The following WWOX variants were observed in gnomAD, a reference collection of about 807,000 sequenced individuals.
The protein encoded by WWOX is WW domain-containing oxidoreductase.
Under a neutral mutation model 46.2 loss-of-function variants are expected in WWOX, and 69 were observed. That is an observed-to-expected ratio of 1.49 (90% CI 1.23 to 1.82). The LOEUF (loss-of-function observed/expected upper bound fraction) is 1.82. Among genes scored for constraint, WWOX ranks in the 40% most tolerant of loss-of-function variants. The pLI, the probability that WWOX is intolerant of heterozygous loss-of-function variation, is 0.00. For missense variants in WWOX, 919 were observed against 542.6 expected, an observed-to-expected ratio of 1.69 and a Z score of -6.89; for synonymous variants, 359 against 202.6, an observed-to-expected ratio of 1.77 and a Z score of -6.56.
intron 8 of WWOX, among the ~76,000 whole-genome samples, chr16:79,108,375 C>T (rs1199278085): frequency 6.6e-6 from 1 of 152,220 alleles, no homozygotes; most frequent in East Asian, 1.9e-4. Flanking sequence ...ACCACACATC[C>T]ATGCATTTTT....
At chr16:78,378,100 C>A (rs1263541805) in intron 5 of WWOX, among the ~76,000 whole-genome samples, 1 of 151,742 alleles carries the variant, frequency 6.6e-6, no homozygotes, top group African/African-American at 2.4e-5. Context: ...CTTCAAGAAT[C>A]CCCCTGCGTC....
intron 8 of WWOX, among the ~76,000 whole-genome samples, chr16:78,529,855 G>A (rs775048823): frequency 6.6e-6 from 1 of 152,202 alleles, no homozygotes; most frequent in African/African-American, 2.4e-5. Context: ...CTGTGACCCT[G>A]TAGAATGCAC....
chr16:78,747,630 C>T (rs1047221645), intron 8 of WWOX, among the ~76,000 whole-genome samples: 36 of 152,114 alleles, frequency 2.4e-4, no homozygotes, highest in Non-Finnish European at 1.5e-5. Flanking sequence ...CCCTGCCTCT[C>T]CTCACCCACT....
chr16:78,459,258 G>C (rs975381883), intron 8 of WWOX, among the ~76,000 whole-genome samples: 2 of 152,226 alleles, frequency 1.3e-5, no homozygotes, highest in African/African-American at 4.8e-5. Flanking sequence ...CACACTGAAA[G>C]AGAGTGGTGT....
chr16:78,653,725 A>G (rs935512766), intron 8 of WWOX, among the ~76,000 whole-genome samples: 40 of 152,316 alleles, frequency 2.6e-4, no homozygotes, highest in African/African-American at 9.4e-4. Flanking sequence ...CAGCTGTCCT[A>G]TGGGCCTCCT....
intron 6 of WWOX, among the ~76,000 whole-genome samples, chr16:78,395,498 C>T (rs1233063694): frequency 6.6e-6 from 1 of 151,788 alleles, no homozygotes; most frequent in Non-Finnish European, 1.5e-5. Flanking sequence ...GGCAACAGAG[C>T]CAGAACCTGT....
chr16:79,150,008 G>A (rs1311158592), intron 8 of WWOX, among the ~76,000 whole-genome samples: 1 of 152,134 alleles, frequency 6.6e-6, no homozygotes. Flanking sequence ...TGTTTTTTAT[G>A]GGAACCTAAG....
intron 6 of WWOX, among the ~76,000 whole-genome samples, chr16:78,412,284 G>A (rs997953236): frequency 6.6e-6 from 1 of 152,180 alleles, no homozygotes; most frequent in Admixed American, 6.5e-5. Context: ...TATCAGGACG[G>A]GGAGGAGATG....
chr16:78,958,151 C>T (rs1425794119), intron 8 of WWOX, among the ~76,000 whole-genome samples: 2 of 152,142 alleles, frequency 1.3e-5, no homozygotes, highest in East Asian at 1.9e-4. Flanking sequence ...ATCATTCACA[C>T]GGCGAAGGAA....
intron 4 of WWOX, among the ~76,000 whole-genome samples, chr16:78,119,707 C>A (rs1452931418): frequency 6.6e-6 from 1 of 151,382 alleles, no homozygotes; most frequent in Non-Finnish European, 1.5e-5. Context: ...TTCAAGTGAT[C>A]CTCCCACCTT....
chr16:78,614,490 A>C (rs1309777466), intron 8 of WWOX, among the ~76,000 whole-genome samples: 1 of 152,056 alleles, frequency 6.6e-6, no homozygotes, highest in Non-Finnish European at 1.5e-5. Flanking sequence ...GCCCAGATCC[A>C]CCCTGTTCAC....
chr16:79,096,026 T>TTATA (rs2049064358), intron 8 of WWOX, among the ~76,000 whole-genome samples: 1 of 146,594 alleles, frequency 6.8e-6, no homozygotes, highest in Admixed American at 6.8e-5. Flanking sequence ...ATTTTTTTTT[T>TTATA]TTTTTTTTTT....
At chr16:78,965,463 G>T (rs186100260) in intron 8 of WWOX, among the ~76,000 whole-genome samples, 6 of 151,962 alleles carry the variant, frequency 3.9e-5, no homozygotes, top group Non-Finnish European at 7.4e-5. Context: ...CCAGCTACTT[G>T]GGAGGCTGAG....
At chr16:78,529,712 C>T (rs960646202) in intron 8 of WWOX, among the ~76,000 whole-genome samples, 10 of 152,000 alleles carry the variant, frequency 6.6e-5, no homozygotes, top group Admixed American at 3.3e-4. Context: ...CGTGATCCAC[C>T]CACCTCGGCC....
intron 5 of WWOX, among the ~76,000 whole-genome samples, chr16:78,335,061 T>A (rs1448425437): frequency 6.6e-6 from 1 of 152,148 alleles, no homozygotes; most frequent in African/African-American, 2.4e-5. Context: ...ACATAGAAAT[T>A]CTTGGGCTTT....
At chr16:78,299,367 C>T (rs62035712) in intron 5 of WWOX, among the ~76,000 whole-genome samples, 26,757 of 152,000 alleles carry the variant, frequency 0.18, 2,547 homozygotes, top group South Asian at 0.27. Flanking sequence ...AGAGTGAACC[C>T]TGATTACCTA....
Position 78,646,089 on chromosome 16 carries a change from C to T in WWOX, c.1056+213337C>T, listed in dbSNP as rs185044146. Among the ~76,000 whole-genome samples the T allele has an allele frequency of 1.4e-3, 217 of 152,316 alleles. 1 individual carries two copies. The highest frequency in any genetic ancestry group is 4.8e-3 in the African/African-American group (200 of 41,584). On this transcript the variant is annotated intron_variant, in intron 8 of 8. Coordinates refer to ENST00000566780, the MANE Select transcript of WWOX (RefSeq NM_016373.4). ...CTTGGGTAACTGCGCATACTCTCCT[C>T]ATGTCAAGAACTTACATCCCTCTAC...
intron 6 of WWOX, among the ~76,000 whole-genome samples, chr16:78,392,850 T>C (rs1313979059): frequency 1.3e-5 from 2 of 152,136 alleles, no homozygotes; most frequent in African/African-American, 4.8e-5. Context: ...CTGCCCACTC[T>C]CTGTTTACTC....
At chr16:78,603,170 C>A (rs945350424) in intron 8 of WWOX, among the ~76,000 whole-genome samples, 1 of 152,196 alleles carries the variant, frequency 6.6e-6, no homozygotes, top group Admixed American at 6.5e-5. Flanking sequence ...TTATGCACAT[C>A]ATCTTCTAAC....
Sources: gnomAD v4.1 joint callset for allele counts (sites outside exome capture counted in the v4.1 genomes callset) on GRCh38, gnomAD v4.1.1 for gene constraint, MANE v1.5 for transcripts, NCBI Gene and HGNC (gene_info 2026-07-23, HGNC 2026-07-21) for gene names.